Variants in ERAP1 observed in about 807,000 individuals in gnomAD.
The protein encoded by ERAP1 is adipocyte-derived leucine aminopeptidase.
A neutral mutation model predicts 103.7 loss-of-function variants in ERAP1; 86 were observed. That is an observed-to-expected ratio of 0.83 (90% CI 0.70 to 0.99). The LOEUF (loss-of-function observed/expected upper bound fraction) is 0.99, where lower values mean the gene tolerates loss of function less well. Ranked by LOEUF, ERAP1 falls within the 50% of genes least tolerant of loss-of-function variation. The pLI, the probability that ERAP1 is intolerant of heterozygous loss-of-function variation, is 0.00. For missense variants in ERAP1, 1,009 were observed against 1,128.4 expected (o/e 0.89, Z 1.52); for synonymous variants, 398 against 402.4 (o/e 0.99, Z 0.13).
chr5:96,801,660 T>C (rs1282241612), intron 2 of ERAP1, among the ~76,000 whole-genome samples: 5 of 151,608 alleles, frequency 3.3e-5, no homozygotes, highest in African/African-American at 1.2e-4. Flanking sequence ...GAGACCACCC[T>C]GGCCAACATG....
At position 96,775,029 on chromosome 5, in the gene ERAP1, A is replaced by G. The variant is rs1773884864; in HGVS notation, c.*1367T>C. The G allele has an allele frequency of 1.0e-6, 1 of 984,664 alleles. No homozygotes were observed. The highest frequency in any genetic ancestry group is 1.2e-6 in the Non-Finnish European group (1 of 829,534). The allele number at this position is 984,664 out of a possible 1,614,324, so 61.0% of individuals were successfully genotyped here. On this transcript the variant is annotated 3_prime_UTR_variant, in exon 19 of 19. Coordinates refer to ENST00000443439, the MANE Select transcript of ERAP1 (RefSeq NM_001040458.3). ...GATTTCCGCACCTTAGAGTCAGCGCAAAACACGCTGCAACTTGAATCAAGT... is the reference window on the plus strand; with the variant it reads ...GATTTCCGCACCTTAGAGTCAGCGCGAAACACGCTGCAACTTGAATCAAGT...
At chr5:96,861,491 A>G in the ERAP1 span, among the ~76,000 whole-genome samples, 7,404 of 152,278 alleles carry the variant, frequency 0.049, 220 homozygotes, top group South Asian at 0.11. Context: ...GATAGTCTCA[A>G]GGTTCATAAG....
the ERAP1 span, among the ~76,000 whole-genome samples, chr5:96,828,483 T>C: frequency 3.3e-5 from 5 of 152,116 alleles, no homozygotes; most frequent in Admixed American, 2.6e-4. Flanking sequence ...ATAAAACAAA[T>C]AAGTGAGAAC....
At chr5:96,809,574 G>A (rs1392255388), upstream of ERAP1, among the ~76,000 whole-genome samples, 1 of 151,994 alleles carries the variant, frequency 6.6e-6, no homozygotes, top group African/African-American at 2.4e-5. Context: ...TCTAGTCAAG[G>A]ACATTTTATA....
Position 96,781,693 on chromosome 5 carries a change from C to A in ERAP1, c.2447G>T (p.Trp816Leu), listed in dbSNP as rs1392176204. The A allele has an allele frequency of 6.2e-7, 1 of 1,613,960 alleles. No individual in the cohort carries two copies. Among genetic ancestry groups the A allele is most frequent in the African/African-American group, 1.3e-5 (1 of 74,910 alleles). The change falls in exon 16 of 19, where the codon TGG becomes TTG. Residue 816 changes from tryptophan to leucine, a missense_variant and splice_region_variant. Coordinates refer to ENST00000443439, the MANE Select transcript of ERAP1 (RefSeq NM_001040458.3). Reference sequence around the variant, plus strand: ...GAACATGAATGAATGACGGACTCACCATTGAAGCTTTTCCTTATTTTGGGT... The same window carrying A: ...GAACATGAATGAATGACGGACTCACAATTGAAGCTTTTCCTTATTTTGGGT... ...CRTQNKEKLQ[W>L]LLDESFKGDK... is the part of the protein sequence containing the mutation.
the ERAP1 span, among the ~76,000 whole-genome samples, chr5:96,893,732 T>C: frequency 1.3e-5 from 2 of 152,220 alleles, no homozygotes; most frequent in Non-Finnish European, 2.9e-5. Flanking sequence ...TTGATTACCA[T>C]GTTAACATGT....
the ERAP1 span, among the ~76,000 whole-genome samples, chr5:96,861,905 T>C: frequency 6.6e-6 from 1 of 152,132 alleles, no homozygotes. Flanking sequence ...TTTTTAATGA[T>C]CAAAATAAAC....
chr5:96,791,345 G>C (rs192274660), intron 8 of ERAP1, among the ~76,000 whole-genome samples: 17 of 152,240 alleles, frequency 1.1e-4, no homozygotes, highest in Non-Finnish European at 2.4e-4. Context: ...TTTTCCCCTG[G>C]ACTTTCAATG....
At chr5:96,884,245 T>A in the ERAP1 span, among the ~76,000 whole-genome samples, 1 of 152,202 alleles carries the variant, frequency 6.6e-6, no homozygotes, top group South Asian at 2.1e-4. Context: ...CAGAATTTCC[T>A]AGAGCAGTAC....
chr5:96,883,320 A>G, the ERAP1 span, among the ~76,000 whole-genome samples: 1 of 152,140 alleles, frequency 6.6e-6, no homozygotes, highest in Non-Finnish European at 1.5e-5. Flanking sequence ...GATGTTCTCA[A>G]TAAGTCAGGA....
the ERAP1 span, among the ~76,000 whole-genome samples, chr5:96,885,764 A>C: frequency 6.6e-6 from 1 of 152,146 alleles, no homozygotes; most frequent in Non-Finnish European, 1.5e-5. Flanking sequence ...AGATTATTGG[A>C]TCTGTATCCA....
chr5:96,901,395 C>A, the ERAP1 span: 6 of 1,214,228 alleles, frequency 4.9e-6, no homozygotes, highest in Non-Finnish European at 7.0e-6. Flanking sequence ...CAGTCCGAGT[C>A]TTCTGTTCCC....
chr5:96,915,729 G>C, the ERAP1 span: 1 of 1,597,452 alleles, frequency 6.3e-7, no homozygotes. Flanking sequence ...ATCATCTCTG[G>C]CACAACAGCT....
chr5:96,777,852 C>A (rs1174723455), intron 18 of ERAP1, among the ~76,000 whole-genome samples: 1 of 152,224 alleles, frequency 6.6e-6, no homozygotes, highest in East Asian at 1.9e-4. Context: ...TCTCTTCTGT[C>A]TTCACCTGCC....
the ERAP1 span, among the ~76,000 whole-genome samples, chr5:96,833,443 G>A: frequency 6.6e-6 from 1 of 152,144 alleles, no homozygotes; most frequent in African/African-American, 2.4e-5. Context: ...TTTGTATGTG[G>A]TTATATTGGT....
At chr5:96,899,409 T>C in the ERAP1 span, among the ~76,000 whole-genome samples, 1 of 152,220 alleles carries the variant, frequency 6.6e-6, no homozygotes, top group Non-Finnish European at 1.5e-5. Context: ...TTGTGTCACA[T>C]AAAGTCAATT....
At chr5:96,827,088 G>T in the ERAP1 span, among the ~76,000 whole-genome samples, 1 of 152,156 alleles carries the variant, frequency 6.6e-6, no homozygotes, top group African/African-American at 2.4e-5. Context: ...ACTGCATCAA[G>T]AATTTTTTGG....
At chr5:96,797,037 C>A in intron 4 of ERAP1, 138 bp downstream of exon 4, 1 of 970,940 alleles carries the variant, frequency 1.0e-6, no homozygotes, top group Non-Finnish European at 1.6e-6. Flanking sequence ...GATTCTTCCA[C>A]CTCAGCCTCC....
the ERAP1 span, among the ~76,000 whole-genome samples, chr5:96,859,478 C>G: frequency 1.3e-5 from 2 of 151,998 alleles, no homozygotes; most frequent in African/African-American, 2.4e-5. Context: ...GACCATTCTC[C>G]TCTGTAGGTG....
Sources: allele counts gnomAD v4.1 joint callset (sites outside exome capture counted in the v4.1 genomes callset), GRCh38; gene constraint gnomAD v4.1.1; transcripts MANE v1.5; gene names NCBI Gene and HGNC (gene_info 2026-07-23, HGNC 2026-07-21).